SATB1: variants seen among roughly 807,000 people sequenced by gnomAD.
SATB1 encodes DNA-binding protein SATB1.
In SATB1, 11 loss-of-function variants were observed where a neutral mutation model predicts 86.9. That is an observed-to-expected ratio of 0.13 (90% CI 0.08 to 0.21). SATB1 has a LOEUF of 0.21. Ranked by LOEUF, SATB1 falls within the 10% of genes least tolerant of loss-of-function variation. The probability of loss-of-function intolerance (pLI) is 1.00; values close to 1 mark genes in which losing one functional copy is unlikely to be tolerated. For synonymous variants in SATB1, 357 were observed against 357.2 expected (o/e 1.00, Z 0.01); for missense variants, 551 against 937.6 (o/e 0.59, Z 5.39).
intron 7 of SATB1, among the ~76,000 whole-genome samples, chr3:18,392,784 G>A (rs1696752776): frequency 6.6e-6 from 1 of 151,820 alleles, no homozygotes; most frequent in Admixed American, 6.6e-5. Context: ...AATATTTAGA[G>A]GGTTGACTTT....
chr3:18,418,262 C>A (rs143056159), intron 2 of SATB1, among the ~76,000 whole-genome samples: 1 of 152,088 alleles, frequency 6.6e-6, no homozygotes, highest in Admixed American at 6.6e-5. Context: ...GCACACCAAC[C>A]GTAGCTAAAA....
intron 7 of SATB1, among the ~76,000 whole-genome samples, chr3:18,389,002 G>A (rs1175369622): frequency 2.0e-5 from 3 of 152,062 alleles, no homozygotes; most frequent in Non-Finnish European, 4.4e-5. Flanking sequence ...GGTTGAGATT[G>A]GAAGGTAGTT....
At chr3:18,361,395 T>C (rs1003244377) in intron 9 of SATB1, among the ~76,000 whole-genome samples, 3 of 152,152 alleles carry the variant, frequency 2.0e-5, no homozygotes, top group Non-Finnish European at 4.4e-5. Flanking sequence ...GAATGTAAGC[T>C]ATTATTATTT....
chr3:18,412,345 C>A (rs758556628), intron 5 of SATB1, among the ~76,000 whole-genome samples: 2 of 152,152 alleles, frequency 1.3e-5, no homozygotes, highest in Middle Eastern at 6.8e-3. Flanking sequence ...TTATTCAACA[C>A]CCCAGGCAAA....
At chr3:18,434,214 G>A (rs771116851) in intron 2 of SATB1, among the ~76,000 whole-genome samples, 1 of 151,798 alleles carries the variant, frequency 6.6e-6, no homozygotes. Flanking sequence ...TTTTTATTTC[G>A]CTTTGTGCAA....
At chr3:18,440,434 T>C (rs570461827), upstream of SATB1, among the ~76,000 whole-genome samples, 29 of 152,196 alleles carry the variant, frequency 1.9e-4, no homozygotes, top group South Asian at 6.2e-4. Flanking sequence ...ATAGCACAGG[T>C]AGATATTAAA....
At chr3:18,357,589 T>C (rs1694710134) in intron 9 of SATB1, among the ~76,000 whole-genome samples, 1 of 147,378 alleles carries the variant, frequency 6.8e-6, no homozygotes, top group East Asian at 2.0e-4. Context: ...CACTCAAGGG[T>C]AATTTCATAT....
chr3:18,382,375 A>G (rs1696110808), intron 8 of SATB1, among the ~76,000 whole-genome samples: 1 of 152,210 alleles, frequency 6.6e-6, no homozygotes, highest in Non-Finnish European at 1.5e-5. Context: ...GTCTTCATGG[A>G]AACAAACTGC....
chr3:18,375,503 T>C (rs1214386525), intron 9 of SATB1, among the ~76,000 whole-genome samples: 1 of 152,198 alleles, frequency 6.6e-6, no homozygotes, highest in Non-Finnish European at 1.5e-5. Context: ...GGGGGACTGC[T>C]GCCTCATTTT....
intron 9 of SATB1, among the ~76,000 whole-genome samples, chr3:18,359,728 G>C (rs1318398790): frequency 6.6e-6 from 1 of 150,894 alleles, no homozygotes; most frequent in African/African-American, 2.4e-5. Context: ...ATATGATCTG[G>C]CTCCTATTTA....
At chr3:18,435,130 G>T (rs779611693) in intron 2 of SATB1, 1 of 152,122 alleles carries the variant, frequency 6.6e-6, no homozygotes, top group Non-Finnish European at 1.5e-5. Flanking sequence ...TTAAGGGAGA[G>T]AAATTTTAAT....
chr3:18,430,402 T>G (rs1054298530), intron 2 of SATB1, among the ~76,000 whole-genome samples: 1 of 152,238 alleles, frequency 6.6e-6, no homozygotes, highest in Non-Finnish European at 1.5e-5. Context: ...TCTAGACATG[T>G]CTGTACTTGA....
chr3:18,363,653 G>A (rs116174078), intron 9 of SATB1, among the ~76,000 whole-genome samples: 49 of 152,222 alleles, frequency 3.2e-4, no homozygotes, highest in Admixed American at 5.9e-4. Flanking sequence ...GGAATAGGCT[G>A]GCATTTGTGA....
At chr3:18,430,630 G>A (rs1345036700) in intron 2 of SATB1, among the ~76,000 whole-genome samples, 1 of 152,172 alleles carries the variant, frequency 6.6e-6, no homozygotes, top group African/African-American at 2.4e-5. Context: ...AACAAATAAT[G>A]ATGCACTGCA....
At chr3:18,396,934 T>C (rs145494319) in intron 6 of SATB1, among the ~76,000 whole-genome samples, 262 of 152,098 alleles carry the variant, frequency 1.7e-3, no homozygotes, top group African/African-American at 5.9e-3. Flanking sequence ...AAATGACAGC[T>C]CCCCTCCCAA....
chr3:18,385,351 G>A (rs1298838920), intron 8 of SATB1, among the ~76,000 whole-genome samples: 2 of 152,118 alleles, frequency 1.3e-5, no homozygotes, highest in Admixed American at 6.6e-5. Flanking sequence ...AGCCGGGCGC[G>A]GTGGCTCAGG....
intron 5 of SATB1, among the ~76,000 whole-genome samples, chr3:18,403,763 T>C (rs1304189582): frequency 6.6e-6 from 1 of 152,096 alleles, no homozygotes; most frequent in African/African-American, 2.4e-5. Context: ...TGTATTGTAT[T>C]AATGGCGCAA....
At chr3:18,392,151 T>A (rs1006046431) in intron 7 of SATB1, among the ~76,000 whole-genome samples, 2 of 152,156 alleles carry the variant, frequency 1.3e-5, no homozygotes, top group Admixed American at 6.5e-5. Context: ...TAAGGAGGTA[T>A]CTGCAATCAA....
chr3:18,387,958 T>G (rs755244584), intron 7 of SATB1, among the ~76,000 whole-genome samples: 5 of 152,178 alleles, frequency 3.3e-5, no homozygotes, highest in African/African-American at 4.8e-5. Context: ...AATACAAAAG[T>G]ACTGATACTT....
Sources: gnomAD v4.1 joint callset for allele counts (sites outside exome capture counted in the v4.1 genomes callset) on GRCh38, gnomAD v4.1.1 for gene constraint, MANE v1.5 for transcripts, NCBI Gene and HGNC (gene_info 2026-07-23, HGNC 2026-07-21) for gene names.